SPIDR: variants seen among roughly 807,000 people sequenced by gnomAD.
The protein encoded by SPIDR is scaffold protein involved in DNA repair.
SPIDR carries 93 observed loss-of-function variants against 104.6 expected under a neutral mutation model. That is an observed-to-expected ratio of 0.89 (90% CI 0.75 to 1.06). SPIDR has a LOEUF of 1.06. Ranked by LOEUF, SPIDR falls within the 50% of genes least tolerant of loss-of-function variation. The pLI is 0.00. For synonymous variants in SPIDR, 431 were observed against 416.9 expected (o/e 1.03, Z -0.41); for missense variants, 1,154 against 1,111.2 (o/e 1.04, Z -0.55).
At chr8:47,526,504 G>A (rs952325249) in intron 8 of SPIDR, among the ~76,000 whole-genome samples, 4 of 152,066 alleles carry the variant, frequency 2.6e-5, no homozygotes, top group Admixed American at 6.5e-5. Context: ...GGCAGACCAC[G>A]AGCAAAAAGA....
At chr8:47,337,721 A>G (rs1052868783) in intron 5 of SPIDR, among the ~76,000 whole-genome samples, 3 of 150,656 alleles carry the variant, frequency 2.0e-5, no homozygotes, top group Admixed American at 2.0e-4. Context: ...CAGCTTTTCA[A>G]TTAGGTGTAT....
At chr8:47,340,835 A>G (rs1480858961) in intron 5 of SPIDR, among the ~76,000 whole-genome samples, 3 of 152,200 alleles carry the variant, frequency 2.0e-5, no homozygotes, top group Non-Finnish European at 4.4e-5. Flanking sequence ...CTGGTTAGCA[A>G]ACACATCAGT....
At chr8:47,656,676 A>C (rs1290761252) in intron 10 of SPIDR, among the ~76,000 whole-genome samples, 1 of 152,234 alleles carries the variant, frequency 6.6e-6, no homozygotes, top group African/African-American at 2.4e-5. Context: ...ACTCTTGAGA[A>C]TTGAAAACGT....
intron 19 of SPIDR, among the ~76,000 whole-genome samples, chr8:47,731,322 A>T (rs749766091): frequency 6.6e-6 from 1 of 151,810 alleles, no homozygotes. Context: ...CTCCTCAGTG[A>T]CCCCGAGCTC....
intron 10 of SPIDR, 53 bp downstream of exon 10, chr8:47,599,249 G>T (rs1365458752): frequency 1.3e-6 from 2 of 1,595,466 alleles, no homozygotes; most frequent in Non-Finnish European, 1.7e-6. Context: ...CTTAGACAGA[G>T]TGCTCTAGAA....
chr8:47,538,341 C>T (rs1279429620), intron 8 of SPIDR, among the ~76,000 whole-genome samples: 4 of 152,046 alleles, frequency 2.6e-5, no homozygotes, highest in Admixed American at 6.6e-5. Flanking sequence ...GTCAGGAGTT[C>T]GAGACCGGCC....
chr8:47,526,621 T>A (rs903088565), intron 8 of SPIDR, among the ~76,000 whole-genome samples: 2 of 152,166 alleles, frequency 1.3e-5, no homozygotes, highest in Non-Finnish European at 2.9e-5. Flanking sequence ...TTCAGGAGAT[T>A]CCCAGAGCTA....
chr8:47,419,614 T>C (rs1374603838), intron 7 of SPIDR, among the ~76,000 whole-genome samples: 2 of 152,128 alleles, frequency 1.3e-5, no homozygotes, highest in Admixed American at 6.6e-5. Context: ...GTGTCTCTAT[T>C]TCCTTCAGTT....
intron 10 of SPIDR, among the ~76,000 whole-genome samples, chr8:47,619,678 C>G (rs1357520228): frequency 6.6e-6 from 1 of 150,860 alleles, no homozygotes; most frequent in Non-Finnish European, 1.5e-5. Context: ...TCATGGCTCA[C>G]TGCAGCCTCA....
intron 6 of SPIDR, among the ~76,000 whole-genome samples, chr8:47,405,291 CGTGTGTGTGT>C (rs34302817): frequency 1.0e-4 from 15 of 144,896 alleles, no homozygotes; most frequent in East Asian, 2.0e-4. Context: ...CAACATGGCA[CGTGTGTGTGT>C]GTGTGTGTGT....
At chr8:47,690,925 G>T (rs1290151504) in intron 11 of SPIDR, among the ~76,000 whole-genome samples, 9 of 152,162 alleles carry the variant, frequency 5.9e-5, no homozygotes. Flanking sequence ...CAAAGGAATA[G>T]TGCAAAGGGC....
intron 5 of SPIDR, among the ~76,000 whole-genome samples, chr8:47,298,542 G>C (rs1291993612): frequency 1.3e-5 from 2 of 152,148 alleles, no homozygotes; most frequent in Admixed American, 1.3e-4. Context: ...CCTGTGTCCT[G>C]AATGGTATTG....
At chr8:47,487,062 G>C (rs550017433) in intron 8 of SPIDR, among the ~76,000 whole-genome samples, 3 of 152,278 alleles carry the variant, frequency 2.0e-5, no homozygotes, top group East Asian at 1.9e-4. Context: ...TGGCAAATTG[G>C]ATAAACAGTG....
chr8:47,466,197 A>C (rs1554716809), intron 8 of SPIDR, among the ~76,000 whole-genome samples: 1 of 152,158 alleles, frequency 6.6e-6, no homozygotes, highest in African/African-American at 2.4e-5. Flanking sequence ...ACAGAACTCT[A>C]CCCAAAAGCT....
At chr8:47,591,768 C>G (rs1322396091) in intron 8 of SPIDR, among the ~76,000 whole-genome samples, 1 of 152,080 alleles carries the variant, frequency 6.6e-6, no homozygotes, top group Non-Finnish European at 1.5e-5. Context: ...TAAAATTAAA[C>G]TACCTCCCCC....
intron 10 of SPIDR, among the ~76,000 whole-genome samples, chr8:47,604,208 T>C (rs2062660773): frequency 6.6e-6 from 1 of 152,244 alleles, no homozygotes; most frequent in African/African-American, 2.4e-5. Context: ...TCTAAGGCAG[T>C]ACTATTTAAG....
intron 10 of SPIDR, among the ~76,000 whole-genome samples, chr8:47,648,537 A>C (rs938370025): frequency 6.6e-6 from 1 of 152,208 alleles, no homozygotes; most frequent in Non-Finnish European, 1.5e-5. Flanking sequence ...GTGTGCACAC[A>C]CTTCCCAGCT....
rs1442323986 is a variant in SPIDR, at chr8:47,440,354, T to G, written c.909T>G (p.Ile303Met). The G allele has an allele frequency of 6.2e-7, 1 of 1,614,084 alleles. No individual in the cohort carries two copies. Among genetic ancestry groups the G allele is most frequent in the East Asian group, 2.2e-5 (1 of 44,896 alleles). ...GRKSGVLTVK[I>M]LELHEECAMQ... ...AATCTGGTGTATTAACTGTGAAAAT[T>G]TTAGAGCTGCATGAGGAATGTGCCA... Residue 303 changes from isoleucine to methionine, a missense_variant, in exon 8 of 20, where the codon ATT (isoleucine) becomes ATG (methionine). Transcript: ENST00000297423.
chr8:47,419,211 A>G (rs1291879646), intron 7 of SPIDR: 8 of 152,234 alleles, frequency 5.3e-5, no homozygotes, highest in Admixed American at 5.2e-4. Flanking sequence ...TCCTCCTTGT[A>G]TCTCTGGTAG....
Sources: allele counts gnomAD v4.1 joint callset (sites outside exome capture counted in the v4.1 genomes callset), GRCh38; gene constraint gnomAD v4.1.1; transcripts MANE v1.5; gene names NCBI Gene and HGNC (gene_info 2026-07-23, HGNC 2026-07-21).